Variants in FAAH2 observed in about 807,000 individuals in gnomAD.
FAAH2 encodes fatty-acid amide hydrolase 2.
Under a neutral mutation model 36.9 loss-of-function variants are expected in FAAH2, and 60 were observed. That is an observed-to-expected ratio of 1.63 (90% CI 1.32 to 2.02). FAAH2 has a LOEUF of 2.02. Among genes scored for constraint, FAAH2 ranks in the 30% most tolerant of loss-of-function variants. FAAH2 has a pLI of 0.00. For synonymous variants in FAAH2, 214 were observed against 143.8 expected, an observed-to-expected ratio of 1.49 and a Z score of -3.49; for missense variants, 689 against 397.5, an observed-to-expected ratio of 1.73 and a Z score of -6.23.
At chrX:57,339,516 T>C (rs1454656947) in intron 4 of FAAH2, among the ~76,000 whole-genome samples, 1 of 111,989 alleles carries the variant, frequency 8.9e-6, no homozygotes. Flanking sequence ...TCTATCCATC[T>C]GACAAAGGTC....
At chrX:57,462,237 C>A (rs908601302) in intron 10 of FAAH2, among the ~76,000 whole-genome samples, 1 of 106,698 alleles carries the variant, frequency 9.4e-6, no homozygotes, top group Non-Finnish European at 1.9e-5. Context: ...GTACAAAGAG[C>A]AGTTGGTACT....
chrX:57,485,849 T>C (rs2057465071), intron 10 of FAAH2, among the ~76,000 whole-genome samples: 2 of 112,087 alleles, frequency 1.8e-5, no homozygotes, highest in Admixed American at 1.9e-4. Flanking sequence ...GGCCACCTCT[T>C]TCAGCCTTTG....
At chrX:57,440,034 G>A (rs1004677007) in intron 8 of FAAH2, among the ~76,000 whole-genome samples, 7 of 111,544 alleles carry the variant, frequency 6.3e-5, no homozygotes, top group African/African-American at 2.3e-4. Context: ...GTCAGGCAGC[G>A]TGATGCCTCC....
intron 10 of FAAH2, among the ~76,000 whole-genome samples, chrX:57,454,481 A>G: frequency 8.9e-6 from 1 of 112,347 alleles, no homozygotes; most frequent in African/African-American, 3.2e-5. Flanking sequence ...CTGACTGTGG[A>G]CATAGAATTC....
chrX:57,263,418 A>G, the FAAH2 span, among the ~76,000 whole-genome samples: 1 of 111,806 alleles, frequency 8.9e-6, no homozygotes, highest in Admixed American at 9.5e-5. Context: ...ACTGAAAACT[A>G]CACAATGCTG....
chrX:57,467,504 T>C (rs900044462), intron 10 of FAAH2, among the ~76,000 whole-genome samples: 1 of 111,652 alleles, frequency 9.0e-6, no homozygotes, highest in African/African-American at 3.3e-5. Context: ...CACTCATTGC[T>C]AGCATAGCAG....
chrX:57,289,023 T>G (rs1012468740), intron 1 of FAAH2, among the ~76,000 whole-genome samples: 6 of 112,245 alleles, frequency 5.3e-5, no homozygotes, highest in African/African-American at 1.6e-4. Context: ...ACTAAATTTC[T>G]TAAACACCTA....
At chrX:57,154,347 C>G in the FAAH2 span, among the ~76,000 whole-genome samples, 2 of 106,704 alleles carry the variant, frequency 1.9e-5, no homozygotes, top group African/African-American at 3.4e-5. Context: ...TCATTGCAAC[C>G]TTTGCTCCCC....
At chrX:57,402,996 G>A (rs1393605022) in intron 7 of FAAH2, among the ~76,000 whole-genome samples, 1 of 112,001 alleles carries the variant, frequency 8.9e-6, no homozygotes, top group East Asian at 2.8e-4. Flanking sequence ...AACATTATAT[G>A]TCTCCATGTC....
At chrX:57,199,722 C>T in the FAAH2 span, among the ~76,000 whole-genome samples, 1 of 111,376 alleles carries the variant, frequency 9.0e-6, no homozygotes, top group Non-Finnish European at 1.9e-5. Context: ...TATCTCTCTC[C>T]TTAGTAATAA....
At chrX:57,317,820 C>A (rs2052889477) in intron 3 of FAAH2, among the ~76,000 whole-genome samples, 1 of 112,084 alleles carries the variant, frequency 8.9e-6, no homozygotes, top group Non-Finnish European at 1.9e-5. Context: ...AACAGTCTCT[C>A]AGACCACAGT....
intron 3 of FAAH2, among the ~76,000 whole-genome samples, chrX:57,330,604 T>C (rs980050558): frequency 9.0e-6 from 1 of 111,322 alleles, no homozygotes; most frequent in African/African-American, 3.3e-5. Flanking sequence ...ATTTGTATAC[T>C]CCCTCCCCTT....
At chrX:57,158,881 G>T in the FAAH2 span, among the ~76,000 whole-genome samples, 30 of 111,995 alleles carry the variant, frequency 2.7e-4, no homozygotes, top group African/African-American at 9.1e-4. Context: ...GGCTTTTGTT[G>T]CCATTGCTTT....
At chrX:57,161,684 C>T in the FAAH2 span, among the ~76,000 whole-genome samples, 1 of 111,183 alleles carries the variant, frequency 9.0e-6, no homozygotes, top group African/African-American at 3.3e-5. Flanking sequence ...GATTGCAACC[C>T]CTGCCTTTTT....
At chrX:57,439,589 G>A (rs1418107160) in intron 8 of FAAH2, among the ~76,000 whole-genome samples, 1 of 111,573 alleles carries the variant, frequency 9.0e-6, no homozygotes, top group Admixed American at 9.6e-5. Context: ...TTGCTGTGCA[G>A]AAGCTCTTTA....
the FAAH2 span, among the ~76,000 whole-genome samples, chrX:57,244,923 A>G: frequency 1.8e-5 from 2 of 111,771 alleles, no homozygotes; most frequent in Admixed American, 9.5e-5. Flanking sequence ...CAGTTAAAAG[A>G]CACACACTGG....
intron 7 of FAAH2, among the ~76,000 whole-genome samples, chrX:57,427,203 A>G (rs2056184082): frequency 1.8e-5 from 2 of 110,994 alleles, no homozygotes; most frequent in South Asian, 7.5e-4. Context: ...AATAGAAATC[A>G]TGAGCAGATC....
At chrX:57,402,011 G>A (rs1316952474) in intron 7 of FAAH2, among the ~76,000 whole-genome samples, 1 of 111,136 alleles carries the variant, frequency 9.0e-6, no homozygotes, top group Admixed American at 9.5e-5. Flanking sequence ...CAGATCTGGA[G>A]GACAGTTGTC....
At chrX:57,161,187 T>A in the FAAH2 span, among the ~76,000 whole-genome samples, 1 of 112,289 alleles carries the variant, frequency 8.9e-6, no homozygotes, top group East Asian at 2.8e-4. Flanking sequence ...AGTTTCTTAA[T>A]CCTGAGTTCT....
Sources: gnomAD v4.1 joint callset for allele counts (sites outside exome capture counted in the v4.1 genomes callset) on GRCh38, gnomAD v4.1.1 for gene constraint, MANE v1.5 for transcripts, NCBI Gene and HGNC (gene_info 2026-07-23, HGNC 2026-07-21) for gene names.